The following DDR2 variants were observed in gnomAD, a reference collection of about 807,000 sequenced individuals.
DDR2 encodes the protein discoidin domain receptor tyrosine kinase 2, also known as discoidin domain-containing receptor 2.
Under a neutral mutation model 94.9 loss-of-function variants are expected in DDR2, and 27 were observed. That is an observed-to-expected ratio of 0.28 (90% CI 0.21 to 0.39). The LOEUF (loss-of-function observed/expected upper bound fraction) is 0.39. Ranked by LOEUF, DDR2 falls within the 10% of genes least tolerant of loss-of-function variation. DDR2 has a pLI of 1.00. For missense variants in DDR2, 783 were observed against 1,076.0 expected (o/e 0.73, Z 3.81); for synonymous variants, 382 against 377.2 (o/e 1.01, Z -0.15).
In DDR2 at chr1:162,761,638, G is replaced by A. The variant is rs115679653; in HGVS notation, c.1099+184G>A. On this transcript the variant is annotated intron_variant, in intron 9 of 17. Transcript: ENST00000367921. ...ACTGTGGAGGGGATGGGATGAGAAT[G>A]GAAGTGAACAAAATATGCACGTAAC... Among the ~76,000 whole-genome samples the A allele has an allele frequency of 6.3e-3, 966 of 152,298 alleles. 12 individuals carry two copies. Among genetic ancestry groups the A allele is most frequent in the African/African-American group, 0.022 (910 of 41,572 alleles).
At chr1:162,731,108 C>T (rs1662026989) in intron 3 of DDR2, among the ~76,000 whole-genome samples, 1 of 152,194 alleles carries the variant, frequency 6.6e-6, no homozygotes, top group Admixed American at 6.5e-5. Flanking sequence ...TTTTATTTAG[C>T]TCTTCCAGTT....
At chr1:162,719,218 G>A in intron 3 of DDR2, 73 bp downstream of exon 3, 1 of 1,609,368 alleles carries the variant, frequency 6.2e-7, no homozygotes, top group Non-Finnish European at 8.5e-7. Context: ...TTCAATGGTG[G>A]GTCTAAAAGC....
rs1438330476 is a variant in DDR2, at chr1:162,761,564, G to A, written c.1099+110G>A. ...CTCTGAGAGGAGTGGGATTGTACAG[G>A]CAGCTTCTCATTGACGGATACGGTG... On this transcript the variant is annotated intron_variant, in intron 9 of 17. Coordinates refer to ENST00000367921, the MANE Select transcript of DDR2 (RefSeq NM_006182.4). 3.2e-6 allele frequency: 5 copies of A among 1,546,158 alleles called. No individual in the cohort carries two copies. The East Asian group carries it at 6.8e-5, about 21-fold the overall frequency.
chr1:162,633,730 G>A (rs1656672042), intron 1 of DDR2, among the ~76,000 whole-genome samples: 1 of 152,172 alleles, frequency 6.6e-6, no homozygotes, highest in Admixed American at 6.5e-5. Flanking sequence ...CAGTAATAGA[G>A]AGGACGCCAA....
intron 7 of DDR2, among the ~76,000 whole-genome samples, chr1:162,758,327 C>G (rs1346877590): frequency 6.6e-6 from 1 of 152,106 alleles, no homozygotes; most frequent in Non-Finnish European, 1.5e-5. Context: ...GCAAAAGTTA[C>G]TTTTTAAATT....
intron 2 of DDR2, among the ~76,000 whole-genome samples, chr1:162,684,812 AACACACACACACACAC>A (rs56958157): frequency 0.016 from 2,175 of 138,036 alleles, 58 homozygotes; most frequent in African/African-American, 0.053. Flanking sequence ...CACACCCACC[AACACACACACACACAC>A]ACACACACAC....
At position 162,656,855 on chromosome 1, in the gene DDR2, T is replaced by A. The variant is rs796904504; in HGVS notation, c.-28+1481T>A. Among the ~76,000 whole-genome samples, 332 of 133,856 alleles carry A rather than the reference T, an allele frequency of 2.5e-3. 9 individuals are homozygous for A. Among genetic ancestry groups the A allele is most frequent in the African/African-American group, 8.0e-3 (304 of 37,988 alleles). 87.8% of individuals were successfully genotyped at this position (133,856 alleles called of 152,430 possible). ...GGAGTTTTTTTTTTTTTTTTATTTT[T>A]TTTGTTAACAGGGTTTTGCTCTGTC... On this transcript the variant is annotated intron_variant, in intron 2 of 17. Transcript: ENST00000367921.
chr1:162,674,754 A>T (rs1659046738), intron 2 of DDR2, among the ~76,000 whole-genome samples: 1 of 152,202 alleles, frequency 6.6e-6, no homozygotes, highest in Non-Finnish European at 1.5e-5. Context: ...CTATACAGAG[A>T]TTATTTATTG....
intron 2 of DDR2, among the ~76,000 whole-genome samples, chr1:162,663,082 A>C (rs548938112): frequency 2.0e-5 from 3 of 152,338 alleles, no homozygotes; most frequent in Admixed American, 1.3e-4. Flanking sequence ...AATATGTAAT[A>C]ATTGGATTTC....
intron 1 of DDR2, among the ~76,000 whole-genome samples, chr1:162,646,303 G>T (rs986043096): frequency 2.0e-5 from 3 of 152,106 alleles, no homozygotes; most frequent in Non-Finnish European, 2.9e-5. Context: ...TGGGCTCCAC[G>T]GTTCTCAGGA....
intron 2 of DDR2, among the ~76,000 whole-genome samples, chr1:162,699,088 T>G (rs1402120186): frequency 6.6e-6 from 1 of 152,196 alleles, no homozygotes; most frequent in Non-Finnish European, 1.5e-5. Context: ...GACGGGAGAT[T>G]CAGGAGAAGG....
chr1:162,775,722 G>T lies in DDR2; in HGVS notation c.1927G>T (p.Val643Leu), dbSNP rs576570292. 6.2e-7 allele frequency: 1 copy of T among 1,613,998 alleles called. No homozygotes were observed. Among genetic ancestry groups the T allele is most frequent in the Non-Finnish European group, 8.5e-7 (1 of 1,180,010 alleles). Residue 643 changes from valine to leucine, a missense_variant, in exon 15 of 18, where the codon GTG becomes TTG. By Grantham distance (32) the Val-to-Leu change is conservative. This residue lies in a region of DDR2 where 264 missense variants were observed against 428.2 expected (regional missense o/e 0.62). Transcript: ENST00000367921. ...KDPNIIHLLA[V>L]CITDDPLCMI... ...CCCAAACATCATCCATCTATTAGCT[G>T]TGTGTATCACTGATGACCCTCTCTG...
At chr1:162,655,132 T>C (rs1053113426) in intron 1 of DDR2, 79 bp from the exon 2 acceptor site, 1 of 152,132 alleles carries the variant, frequency 6.6e-6, no homozygotes, top group Non-Finnish European at 1.5e-5. Context: ...TGCACGGCGC[T>C]GGACAGGAGT....
intron 3 of DDR2, among the ~76,000 whole-genome samples, chr1:162,726,340 G>A (rs1661663237): frequency 6.6e-6 from 1 of 151,752 alleles, no homozygotes; most frequent in African/African-American, 2.4e-5. Context: ...TTTTCTTTGA[G>A]GGCAGACTTC....
chr1:162,682,048 G>A (rs1284897905), intron 2 of DDR2, among the ~76,000 whole-genome samples: 1 of 152,076 alleles, frequency 6.6e-6, no homozygotes, highest in Non-Finnish European at 1.5e-5. Flanking sequence ...TGAAGTCCCT[G>A]GTCATGTCTG....
intron 9 of DDR2, among the ~76,000 whole-genome samples, chr1:162,762,411 G>A (rs930996978): frequency 3.3e-5 from 5 of 152,010 alleles, no homozygotes; most frequent in Non-Finnish European, 7.4e-5. Flanking sequence ...CTTCATCATG[G>A]GGATGTAATG....
chr1:162,685,220 T>C (rs1659629753), intron 2 of DDR2, among the ~76,000 whole-genome samples: 1 of 152,194 alleles, frequency 6.6e-6, no homozygotes, highest in African/African-American at 2.4e-5. Flanking sequence ...AGAAATCATT[T>C]ATACTAAGCT....
Position 162,780,323 on chromosome 1 carries a change from C to T in DDR2, c.*77C>T, listed in dbSNP as rs886045499. 3.8e-6 allele frequency: 6 copies of T among 1,599,270 alleles called. 1 individual carries two copies. Among genetic ancestry groups the T allele is most frequent in the Admixed American group, 3.4e-5 (2 of 58,628 alleles). ...CTACCACTCACCCATGCCTATGCCA[C>T]TCCATCTGGACATTTAATGAAACTG... is the stretch of plus-strand genomic sequence containing the variant. On this transcript the variant is annotated 3_prime_UTR_variant, in exon 18 of 18. Coordinates refer to ENST00000367921, the MANE Select transcript of DDR2 (RefSeq NM_006182.4).
intron 9 of DDR2, among the ~76,000 whole-genome samples, chr1:162,763,539 C>A (rs938466292): frequency 3.0e-4 from 46 of 151,954 alleles, no homozygotes; most frequent in African/African-American, 1.0e-3. Flanking sequence ...CTCTTTTGAT[C>A]TGACCCTAGA....
Sources: gnomAD v4.1 joint callset for allele counts (sites outside exome capture counted in the v4.1 genomes callset) on GRCh38, gnomAD v4.1.1 for gene constraint, gnomAD v4.1.1 regional missense constraint, MANE v1.5 for transcripts, NCBI Gene and HGNC (gene_info 2026-07-23, HGNC 2026-07-21) for gene names.